Variants in PRUNE2 observed in about 807,000 individuals in gnomAD.
The protein encoded by PRUNE2 is protein prune homolog 2.
PRUNE2 carries 164 observed loss-of-function variants against 252.0 expected under a neutral mutation model. That is an observed-to-expected ratio of 0.65 (90% CI 0.57 to 0.74). The LOEUF is 0.74. Ranked by LOEUF, PRUNE2 falls within the 30% of genes least tolerant of loss-of-function variation. PRUNE2 has a pLI of 0.00. For synonymous variants in PRUNE2, 1,292 were observed against 1,350.2 expected (o/e 0.96, Z 0.94); for missense variants, 3,495 against 3,711.0 (o/e 0.94, Z 1.51).
intron 15 of PRUNE2, among the ~76,000 whole-genome samples, chr9:76,632,953 G>A (rs909012907): frequency 6.6e-6 from 1 of 152,228 alleles, no homozygotes; most frequent in African/African-American, 2.4e-5. Context: ...TGGGCGCAGT[G>A]TCTCGTACCT....
At chr9:76,825,153 G>C (rs1249155397) in intron 5 of PRUNE2, among the ~76,000 whole-genome samples, 1 of 152,168 alleles carries the variant, frequency 6.6e-6, no homozygotes, top group Non-Finnish European at 1.5e-5. Flanking sequence ...CCCTGGGTCT[G>C]AGTAGCCCAC....
chr9:76,790,404 C>T (rs1027259460), intron 6 of PRUNE2, among the ~76,000 whole-genome samples: 1 of 152,156 alleles, frequency 6.6e-6, no homozygotes, highest in African/African-American at 2.4e-5. Flanking sequence ...AATTTTCATG[C>T]CAGTAAAACA....
intron 4 of PRUNE2, among the ~76,000 whole-genome samples, chr9:76,830,708 G>C (rs1015051974): frequency 6.6e-6 from 1 of 151,128 alleles, no homozygotes; most frequent in African/African-American, 2.4e-5. Context: ...CCCAAATCAG[G>C]ATAAAGACAA....
At chr9:76,829,193 T>C (rs546978890) in intron 4 of PRUNE2, among the ~76,000 whole-genome samples, 11 of 152,264 alleles carry the variant, frequency 7.2e-5, no homozygotes, top group African/African-American at 2.6e-4. Flanking sequence ...CAAGTAACTG[T>C]CTTGGAAGCT....
intron 11 of PRUNE2, among the ~76,000 whole-genome samples, chr9:76,649,643 T>TAGATAGAA (rs1276301453): frequency 1.2e-3 from 179 of 150,744 alleles, no homozygotes; most frequent in African/African-American, 3.9e-3. Flanking sequence ...GATAGATAGA[T>TAGATAGAA]AGAATAGGCT....
At chr9:76,768,799 C>G (rs2052751972) in intron 6 of PRUNE2, among the ~76,000 whole-genome samples, 1 of 152,108 alleles carries the variant, frequency 6.6e-6, no homozygotes, top group Admixed American at 6.5e-5. Context: ...AATCACTGGA[C>G]ATTTGCATGG....
chr9:76,745,638 C>T (rs1438635307), intron 6 of PRUNE2, among the ~76,000 whole-genome samples: 2 of 152,112 alleles, frequency 1.3e-5, no homozygotes, highest in Non-Finnish European at 1.5e-5. Flanking sequence ...CTTGAGAAAC[C>T]CTAGCTTCTG....
chr9:76,635,049 TG>T (rs1839407511), intron 15 of PRUNE2, among the ~76,000 whole-genome samples: 2 of 152,164 alleles, frequency 1.3e-5, no homozygotes, highest in South Asian at 4.1e-4. Context: ...CTTGCCTCAC[TG>T]CAACCTCCTC....
intron 9 of PRUNE2, chr9:76,691,907 G>A: frequency 1.7e-6 from 1 of 601,164 alleles, no homozygotes; most frequent in Non-Finnish European, 3.0e-6. Flanking sequence ...GCAGCTGGCA[G>A]CTGTCAGTTG....
chr9:76,670,828 T>C (rs1447357649), intron 9 of PRUNE2, among the ~76,000 whole-genome samples: 2 of 151,656 alleles, frequency 1.3e-5, no homozygotes, highest in African/African-American at 2.4e-5. Flanking sequence ...CCAACAGACC[T>C]GCAGCTGAGG....
rs1554779764 is a variant in PRUNE2 at position 76,807,020 on chromosome 9, A to ATGTGTGTGTGTG, written c.756+16600_756+16611dup. Reference sequence around the variant, plus strand: ...ATACCTTTAACCACTACCTCATACAATGTGTGTGTGTGTGTGTGTGTGTGT... The same window carrying ATGTGTGTGTGTG: ...ATACCTTTAACCACTACCTCATACAATGTGTGTGTGTGTGTGTGTGTGTGTGTGTGTGTGTGT... On this transcript the variant is annotated intron_variant, in intron 6 of 18. Transcript: ENST00000376718. Among the ~76,000 whole-genome samples the ATGTGTGTGTGTG allele has an allele frequency of 2.1e-3, 295 of 140,490 alleles. 3 individuals are homozygous for ATGTGTGTGTGTG. Among genetic ancestry groups the ATGTGTGTGTGTG allele is most frequent in the African/African-American group, 6.5e-3 (242 of 37,110 alleles). The allele number at this position is 140,490 out of a possible 152,430, so 92.2% of individuals were successfully genotyped here.
intron 6 of PRUNE2, among the ~76,000 whole-genome samples, chr9:76,745,399 T>TA (rs1396895259): frequency 1.3e-5 from 2 of 152,142 alleles, no homozygotes; most frequent in Non-Finnish European, 2.9e-5. Context: ...CCATCAATCC[T>TA]ACAGATAACA....
chr9:76,646,207 T>C (rs1844786236), intron 11 of PRUNE2, among the ~76,000 whole-genome samples: 1 of 152,124 alleles, frequency 6.6e-6, no homozygotes, highest in Admixed American at 6.5e-5. Context: ...CCTACTTAGC[T>C]TACAAACTTA....
At chr9:76,689,440 C>A (rs2044472277) in intron 9 of PRUNE2, among the ~76,000 whole-genome samples, 1 of 152,140 alleles carries the variant, frequency 6.6e-6, no homozygotes, top group South Asian at 2.1e-4. Context: ...ACTGCAGCCT[C>A]AACCTCCTGG....
At chr9:76,718,803 G>A (rs1245757726) in intron 6 of PRUNE2, among the ~76,000 whole-genome samples, 1 of 152,058 alleles carries the variant, frequency 6.6e-6, no homozygotes, top group Non-Finnish European at 1.5e-5. Flanking sequence ...AGTATCTCAA[G>A]TAAAATATGG....
chr9:76,842,725 A>C (rs923809075), intron 4 of PRUNE2, among the ~76,000 whole-genome samples: 3 of 152,224 alleles, frequency 2.0e-5, no homozygotes, highest in African/African-American at 7.2e-5. Flanking sequence ...TATGGAAAAA[A>C]AGCTCATCAT....
At chr9:76,892,784 T>A (rs894089681) in intron 1 of PRUNE2, among the ~76,000 whole-genome samples, 1 of 152,338 alleles carries the variant, frequency 6.6e-6, no homozygotes, top group African/African-American at 2.4e-5. Context: ...AATTTTTTCT[T>A]TTTATGGGTA....
chr9:76,761,302 C>T lies in PRUNE2; in HGVS notation c.757-47581G>A, dbSNP rs76724634. On this transcript the variant is annotated intron_variant, in intron 6 of 18. Coordinates refer to ENST00000376718, the MANE Select transcript of PRUNE2 (RefSeq NM_015225.3). The stretch of plus-strand genomic sequence containing the variant: ...TCTTTTTTTTTCTTGAGTCATAATA[C>T]ACAAACTGGTCAGAAGTGGAACACA... 4.0e-4 allele frequency among the ~76,000 whole-genome samples: 61 copies of T among 152,090 alleles called. No homozygotes were observed. In the East Asian group the frequency reaches 0.011, roughly 28 times the overall value.
chr9:76,745,532 C>A (rs1353892858), intron 6 of PRUNE2, among the ~76,000 whole-genome samples: 6 of 141,762 alleles, frequency 4.2e-5, no homozygotes, highest in African/African-American at 1.7e-4. Context: ...ATAAGTGACT[C>A]AGCATGTTTG....
Sources: gnomAD v4.1 joint callset for allele counts (sites outside exome capture counted in the v4.1 genomes callset) on GRCh38, gnomAD v4.1.1 for gene constraint, MANE v1.5 for transcripts, NCBI Gene and HGNC (gene_info 2026-07-23, HGNC 2026-07-21) for gene names.